Variants in MYO1E observed in about 807,000 individuals in gnomAD.
MYO1E encodes the protein myosin IE.
MYO1E carries 68 observed loss-of-function variants against 151.1 expected under a neutral mutation model. The ratio of observed to expected loss-of-function variants is 0.45; its 90% CI spans 0.37 to 0.55. MYO1E has a LOEUF of 0.55. Among genes scored for constraint, MYO1E ranks in the 20% least tolerant of loss-of-function variants. MYO1E has a pLI of 0.00. For missense variants in MYO1E, 1,363 were observed against 1,389.3 expected, an observed-to-expected ratio of 0.98 and a Z score of 0.30; for synonymous variants, 601 against 501.7, an observed-to-expected ratio of 1.20 and a Z score of -2.64.
At chr15:59,312,864 T>TAAC (rs1373015422) in intron 1 of MYO1E, among the ~76,000 whole-genome samples, 1 of 151,344 alleles carries the variant, frequency 6.6e-6, no homozygotes, top group African/African-American at 2.4e-5. Flanking sequence ...CTAAAAATAA[T>TAAC]AATAATAATA....
rs10569331 is a variant in MYO1E, at chr15:59,323,005, C to CA, written c.3+49492dup. ...TGAAACTCCGTCTCTACTAAAAATA[C>CA]AAAAAAAAAAAAAAATAGCCTGGTA... is the stretch of plus-strand genomic sequence containing the variant. On this transcript the variant is annotated intron_variant, in intron 1 of 27. Coordinates refer to ENST00000288235, the MANE Select transcript of MYO1E (RefSeq NM_004998.4). Among the ~76,000 whole-genome samples the CA allele has an allele frequency of 6.4e-3, 835 of 129,582 alleles. 3 individuals carry two copies. The highest frequency in any genetic ancestry group is 0.014 in the South Asian group (56 of 4,098). 85.0% of individuals were successfully genotyped at this position (129,582 alleles called of 152,430 possible).
intron 1 of MYO1E, among the ~76,000 whole-genome samples, chr15:59,368,574 TC>T (rs1198556920): frequency 6.6e-6 from 1 of 151,776 alleles, no homozygotes; most frequent in Non-Finnish European, 1.5e-5. Flanking sequence ...TGGAACCCCG[TC>T]TCCACTAAAA....
At chr15:59,247,028 G>A (rs563115360) in intron 4 of MYO1E, among the ~76,000 whole-genome samples, 3 of 152,102 alleles carry the variant, frequency 2.0e-5, no homozygotes, top group African/African-American at 4.8e-5. Flanking sequence ...AGACCCTGTC[G>A]CTACAAAAAA....
intron 15 of MYO1E, among the ~76,000 whole-genome samples, chr15:59,203,480 A>G (rs2079814726): frequency 6.6e-6 from 1 of 151,894 alleles, no homozygotes; most frequent in Non-Finnish European, 1.5e-5. Flanking sequence ...CCCAGGTTCA[A>G]GTGATTCTCC....
In MYO1E at chr15:59,132,552, C is replaced by T. The variant is rs954168494; in HGVS notation, c.*4828G>A. On this transcript the variant is annotated 3_prime_UTR_variant, in exon 28 of 28. Coordinates refer to ENST00000288235, the MANE Select transcript of MYO1E (RefSeq NM_004998.4). ...ACTTTCTTAGATGGCACAGCAGGCACCCCAAACTAAAATGTCATAAATGGG... is the reference window on the plus strand; with the variant it reads ...ACTTTCTTAGATGGCACAGCAGGCATCCCAAACTAAAATGTCATAAATGGG... 7 of 152,182 alleles carry T rather than the reference C, an allele frequency of 4.6e-5. No homozygotes were observed. The highest frequency in any genetic ancestry group is 2.1e-4 in the South Asian group (1 of 4,826). The allele number at this position is 152,182 out of a possible 1,614,324, so 9.4% of individuals were successfully genotyped here. A position where few individuals can be genotyped will look rare whatever the true frequency, so the allele number is the denominator to read the frequency against.
At chr15:59,303,283 C>G (rs2080494177) in intron 1 of MYO1E, among the ~76,000 whole-genome samples, 1 of 152,136 alleles carries the variant, frequency 6.6e-6, no homozygotes, top group African/African-American at 2.4e-5. Context: ...GTGGTGGTGG[C>G]ATGTGCCTGT....
intron 7 of MYO1E, among the ~76,000 whole-genome samples, chr15:59,227,121 T>C (rs947249897): frequency 1.3e-5 from 2 of 152,180 alleles, no homozygotes; most frequent in African/African-American, 2.4e-5. Flanking sequence ...CCACTTTCCA[T>C]CCGGGCTCTA....
intron 17 of MYO1E, among the ~76,000 whole-genome samples, chr15:59,194,954 C>T (rs1275204234): frequency 1.3e-5 from 2 of 152,042 alleles, no homozygotes; most frequent in South Asian, 2.1e-4. Context: ...TCGTTCTTCT[C>T]ATCAATACGG....
In MYO1E at chr15:59,214,125, A is replaced by G. The variant is rs931209319; in HGVS notation, c.1275+103T>C. 1.8e-5 allele frequency: 17 copies of G among 928,386 alleles called. No homozygotes were observed. The Admixed American group carries it at 2.6e-4, about 14-fold the overall frequency. The allele number at this position is 928,386 out of a possible 1,614,324, so 57.5% of individuals were successfully genotyped here. A position where few individuals can be genotyped will look rare whatever the true frequency, so the allele number is the denominator to read the frequency against. On this transcript the variant is annotated intron_variant, in intron 12 of 27. Transcript: ENST00000288235. The stretch of plus-strand genomic sequence containing the variant: ...GACTTTATTAGATGCATTTCCTAAT[A>G]TAAGACTGGAACCGAAATCTATTAA...
chr15:59,284,595 G>C (rs2080376305), intron 1 of MYO1E, among the ~76,000 whole-genome samples: 1 of 149,908 alleles, frequency 6.7e-6, no homozygotes, highest in Non-Finnish European at 1.5e-5. Context: ...GGCTACAGGT[G>C]TGCACCACCA....
At chr15:59,186,285 C>T (rs748143446) in intron 18 of MYO1E, among the ~76,000 whole-genome samples, 4 of 151,918 alleles carry the variant, frequency 2.6e-5, no homozygotes, top group Admixed American at 6.6e-5. Context: ...AATGGTGAGT[C>T]GGCTGTCCTA....
At chr15:59,196,563 T>C (rs1485609931) in intron 16 of MYO1E, among the ~76,000 whole-genome samples, 1 of 152,228 alleles carries the variant, frequency 6.6e-6, no homozygotes, top group Non-Finnish European at 1.5e-5. Flanking sequence ...AGAGATTTGC[T>C]TGCAAGACAC....
chr15:59,134,869 A>G lies in MYO1E; in HGVS notation c.*2511T>C, dbSNP rs1276733372. The G allele has an allele frequency of 6.6e-6, 1 of 152,196 alleles. No individual in the cohort carries two copies. Among genetic ancestry groups the G allele is most frequent in the African/African-American group, 2.4e-5 (1 of 41,450 alleles). The allele number at this position is 152,196 out of a possible 1,614,324, so 9.4% of individuals were successfully genotyped here. A position where few individuals can be genotyped will look rare whatever the true frequency, so the allele number is the denominator to read the frequency against. On this transcript the variant is annotated 3_prime_UTR_variant, in exon 28 of 28. Coordinates refer to ENST00000288235, the MANE Select transcript of MYO1E (RefSeq NM_004998.4). ...AAATGGCAGGCCAGGCTAGATCCAC[A>G]GACTAGAGGAAACCCAGGTTAGTGT...
Position 59,153,177 on chromosome 15 carries a change from T to C in MYO1E, c.3080+413A>G, listed in dbSNP as rs142491595. On this transcript the variant is annotated intron_variant, in intron 26 of 27. Transcript: ENST00000288235. ...GACCCATATTCTTCAACAAATATCA[T>C]ATAGAATGCTGGGATGTTATGCTTA... 5.6e-4 allele frequency among the ~76,000 whole-genome samples: 85 copies of C among 152,314 alleles called. 1 individual carries two copies. The highest frequency in any genetic ancestry group is 2.0e-3 in the African/African-American group (82 of 41,566).
At chr15:59,341,781 G>T (rs1026649802) in intron 1 of MYO1E, among the ~76,000 whole-genome samples, 1 of 152,068 alleles carries the variant, frequency 6.6e-6, no homozygotes, top group Non-Finnish European at 1.5e-5. Flanking sequence ...GGACACTTAG[G>T]TTGATTCCAA....
At chr15:59,189,355 G>A (rs998779471) in intron 17 of MYO1E, among the ~76,000 whole-genome samples, 3 of 151,808 alleles carry the variant, frequency 2.0e-5, no homozygotes, top group Admixed American at 2.0e-4. Flanking sequence ...CACTGTACTC[G>A]GCGTGTTTCT....
Position 59,188,035 on chromosome 15 carries a change from G to A in MYO1E, c.1904+83C>T, listed in dbSNP as rs111829491. On this transcript the variant is annotated intron_variant, in intron 18 of 27. Transcript: ENST00000288235. The stretch of plus-strand genomic sequence containing the variant: ...TACGTTAAAAGCCATTGACTCGTAC[G>A]CTTGAAGTGGGTGAATTGTATAGAT... The A allele has an allele frequency of 4.0e-3, 4,109 of 1,036,510 alleles. 79 individuals carry two copies. The highest frequency in any genetic ancestry group is 0.038 in the African/African-American group (2,436 of 63,954). 64.2% of individuals were successfully genotyped at this position (1,036,510 alleles called of 1,614,324 possible).
intron 23 of MYO1E, among the ~76,000 whole-genome samples, chr15:59,162,869 G>T (rs1007642704): frequency 6.6e-6 from 1 of 151,984 alleles, no homozygotes; most frequent in Non-Finnish European, 1.5e-5. Context: ...TTTTTTGGGT[G>T]ATACATAAAA....
Position 59,272,468 on chromosome 15 carries a change from CA to C in MYO1E, c.4-20del, listed in dbSNP as rs2080294248. On this transcript the variant is annotated intron_variant, in intron 1 of 27. Coordinates refer to ENST00000288235, the MANE Select transcript of MYO1E (RefSeq NM_004998.4). ...TGCTTCCCTGGGAACATAAAACATA[CA>C]ATTACTAGGATAGTTTGTTTTCCCC... 1 of 1,613,622 alleles carries C rather than the reference CA, an allele frequency of 6.2e-7. No individual in the cohort carries two copies. The highest frequency in any genetic ancestry group is 1.3e-5 in the African/African-American group (1 of 75,042).
Sources: gnomAD v4.1 joint callset for allele counts (sites outside exome capture counted in the v4.1 genomes callset) on GRCh38, gnomAD v4.1.1 for gene constraint, MANE v1.5 for transcripts, NCBI Gene and HGNC (gene_info 2026-07-23, HGNC 2026-07-21) for gene names.